Variants in TBCA observed in about 807,000 individuals in gnomAD.
TBCA encodes tubulin folding cofactor A.
A neutral mutation model predicts 15.8 loss-of-function variants in TBCA; 6 were observed. That is an observed-to-expected ratio of 0.38 (90% CI 0.21 to 0.75). TBCA has a LOEUF of 0.75. Among genes scored for constraint, TBCA ranks in the 30% least tolerant of loss-of-function variants. The pLI, the probability that TBCA is intolerant of heterozygous loss-of-function variation, is 0.46. For synonymous variants in TBCA, 32 were observed against 42.3 expected, an observed-to-expected ratio of 0.76 and a Z score of 0.94; for missense variants, 90 against 131.2, an observed-to-expected ratio of 0.69 and a Z score of 1.53.
chr5:77,749,243 C>T (rs1389024374), intron 1 of TBCA, among the ~76,000 whole-genome samples: 2 of 152,230 alleles, frequency 1.3e-5, no homozygotes, highest in Non-Finnish European at 2.9e-5. Context: ...TGAGTGTCAA[C>T]ACTGAGTGAG....
chr5:77,708,462 T>TG, intron 1 of TBCA, 115 bp from the exon 2 acceptor site: 2 of 595,236 alleles, frequency 3.4e-6, no homozygotes, highest in Admixed American at 3.0e-5. Context: ...ATATACTAGA[T>TG]GGGGGGAGGA....
chr5:77,733,793 A>G (rs1342732839), intron 1 of TBCA, among the ~76,000 whole-genome samples: 1 of 152,242 alleles, frequency 6.6e-6, no homozygotes, highest in African/African-American at 2.4e-5. Flanking sequence ...TTCAACATGA[A>G]CGAAACAGCT....
intron 1 of TBCA, among the ~76,000 whole-genome samples, chr5:77,743,044 G>C (rs1405328342): frequency 2.0e-5 from 3 of 152,106 alleles, no homozygotes; most frequent in Admixed American, 6.5e-5. Flanking sequence ...CTATCAATAT[G>C]CTAAGCAAGA....
At chr5:77,735,301 C>A (rs76731693) in intron 1 of TBCA, among the ~76,000 whole-genome samples, 256 of 152,138 alleles carry the variant, frequency 1.7e-3, no homozygotes, top group Non-Finnish European at 2.6e-3. Flanking sequence ...ATATTTAATG[C>A]GAAAATCTAC....
intron 1 of TBCA, among the ~76,000 whole-genome samples, chr5:77,724,966 T>C (rs1174139008): frequency 6.6e-6 from 1 of 152,224 alleles, no homozygotes; most frequent in Non-Finnish European, 1.5e-5. Flanking sequence ...ATTAAAAGAC[T>C]GTCCTGCTCT....
chr5:77,763,407 A>T (rs1747693536), intron 1 of TBCA, among the ~76,000 whole-genome samples: 1 of 152,208 alleles, frequency 6.6e-6, no homozygotes, highest in Non-Finnish European at 1.5e-5. Context: ...CACATAATGC[A>T]GCTGGGAACA....
intron 1 of TBCA, among the ~76,000 whole-genome samples, chr5:77,754,843 T>A (rs908342149): frequency 8.5e-5 from 13 of 152,220 alleles, no homozygotes; most frequent in Non-Finnish European, 1.5e-4. Flanking sequence ...TTAAGACATT[T>A]CTAATATTAT....
chr5:77,772,049 AAT>A (rs1747926978), intron 1 of TBCA, among the ~76,000 whole-genome samples: 2 of 152,098 alleles, frequency 1.3e-5, no homozygotes, highest in African/African-American at 4.8e-5. Context: ...ACAGATTTAA[AAT>A]AGTGTCGAGG....
intron 1 of TBCA, among the ~76,000 whole-genome samples, chr5:77,751,329 T>C (rs1043814913): frequency 6.6e-6 from 1 of 151,892 alleles, no homozygotes; most frequent in Non-Finnish European, 1.5e-5. Context: ...GCCCAGCTAA[T>C]TTTTTGTATT....
At chr5:77,702,257 A>C (rs1746036145) in intron 2 of TBCA, among the ~76,000 whole-genome samples, 1 of 152,192 alleles carries the variant, frequency 6.6e-6, no homozygotes, top group African/African-American at 2.4e-5. Flanking sequence ...AGCTTTTCTC[A>C]CAACAGCAAA....
At chr5:77,774,300 G>A (rs1268274737) in intron 1 of TBCA, among the ~76,000 whole-genome samples, 1 of 152,106 alleles carries the variant, frequency 6.6e-6, no homozygotes, top group African/African-American at 2.4e-5. Flanking sequence ...CTCTTAAGGG[G>A]AAAATCTATA....
At position 77,776,273 on chromosome 5, in the gene TBCA, G is replaced by A; in HGVS notation, c.-16C>T. 1.3e-6 allele frequency: 2 copies of A among 1,573,936 alleles called. No individual in the cohort carries two copies. The highest frequency in any genetic ancestry group is 1.4e-5 in the African/African-American group (1 of 74,028). On this transcript the variant is annotated 5_prime_UTR_variant, in exon 1 of 4. Coordinates refer to ENST00000380377, the MANE Select transcript of TBCA (RefSeq NM_004607.3). The stretch of plus-strand genomic sequence containing the variant: ...GATCGGCCATGGTCCCTCGAGCGCC[G>A]CGAGAAGGAGGGGCGGAGAGCCGGG...
chr5:77,771,648 G>A (rs537112500), intron 1 of TBCA, among the ~76,000 whole-genome samples: 2 of 152,280 alleles, frequency 1.3e-5, no homozygotes, highest in African/African-American at 4.8e-5. Flanking sequence ...ATGCTGAAAT[G>A]GCCGTCTTGC....
chr5:77,760,482 C>T lies in TBCA; in HGVS notation c.53+15723G>A, dbSNP rs566917767. 9.9e-5 allele frequency among the ~76,000 whole-genome samples: 15 copies of T among 152,224 alleles called. No individual in the cohort carries two copies. The South Asian group carries it at 3.1e-3, about 32-fold the overall frequency. On this transcript the variant is annotated intron_variant, in intron 1 of 3. Transcript: ENST00000380377. ...CTGTTGCCAAGGCTGGACTGTACTG[C>T]CGTGATCTCGGCTCACTGCAACCTC...
intron 1 of TBCA, among the ~76,000 whole-genome samples, chr5:77,772,815 T>C (rs536717984): frequency 1.5e-4 from 23 of 152,360 alleles, no homozygotes; most frequent in Non-Finnish European, 5.9e-5. Flanking sequence ...GATAAATTTA[T>C]TTCTAAGCAG....
At chr5:77,707,849 T>C (rs1746184438) in intron 2 of TBCA, among the ~76,000 whole-genome samples, 4 of 152,202 alleles carry the variant, frequency 2.6e-5, no homozygotes. Flanking sequence ...AGAGCCAGAA[T>C]GCCTGTGTTC....
At position 77,762,907 on chromosome 5, in the gene TBCA, C is replaced by T. The variant is rs192303808; in HGVS notation, c.53+13298G>A. On this transcript the variant is annotated intron_variant, in intron 1 of 3. Transcript: ENST00000380377. ...GTGAGTGTGGGTCTGGAGCCTCACA[C>T]CCTCTTTTTTTCTTTTGCTATTTAT... is the stretch of plus-strand genomic sequence containing the variant. Among the ~76,000 whole-genome samples, 410 of 152,316 alleles carry T rather than the reference C, an allele frequency of 2.7e-3. 2 individuals are homozygous for T. Among genetic ancestry groups the T allele is most frequent in the African/African-American group, 9.4e-3 (389 of 41,560 alleles).
intron 2 of TBCA, among the ~76,000 whole-genome samples, chr5:77,701,406 A>C (rs1196822321): frequency 6.6e-6 from 1 of 151,998 alleles, no homozygotes; most frequent in Non-Finnish European, 1.5e-5. Flanking sequence ...AAAATAAAAA[A>C]ATAATAGATG....
At chr5:77,735,629 G>A (rs1034488113) in intron 1 of TBCA, among the ~76,000 whole-genome samples, 1 of 151,926 alleles carries the variant, frequency 6.6e-6, no homozygotes, top group Non-Finnish European at 1.5e-5. Flanking sequence ...TCCTAAAATA[G>A]GATTAATCAT....
Sources: allele counts gnomAD v4.1 joint callset (sites outside exome capture counted in the v4.1 genomes callset), GRCh38; gene constraint gnomAD v4.1.1; transcripts MANE v1.5; gene names NCBI Gene and HGNC (gene_info 2026-07-23, HGNC 2026-07-21).